Variants in RRP15 observed in about 807,000 individuals in gnomAD.
RRP15 encodes ribosomal RNA processing 15 homolog.
Under a neutral mutation model 27.1 loss-of-function variants are expected in RRP15, and 18 were observed. The ratio of observed to expected loss-of-function variants is 0.66; its 90% CI spans 0.46 to 0.98. The LOEUF (loss-of-function observed/expected upper bound fraction) is 0.98. Ranked by LOEUF, RRP15 falls within the 50% of genes least tolerant of loss-of-function variation. The probability of loss-of-function intolerance (pLI) is 0.00; values close to 1 mark genes in which losing one functional copy is unlikely to be tolerated. For synonymous variants in RRP15, 107 were observed against 109.4 expected, an observed-to-expected ratio of 0.98 and a Z score of 0.14; for missense variants, 359 against 337.8, an observed-to-expected ratio of 1.06 and a Z score of -0.49.
At chr1:218,291,785 C>T (rs1167092003) in intron 1 of RRP15, among the ~76,000 whole-genome samples, 1 of 152,104 alleles carries the variant, frequency 6.6e-6, no homozygotes, top group African/African-American at 2.4e-5. Flanking sequence ...CCACCTTGGT[C>T]TCCCAAAGTG....
At chr1:218,292,324 G>C (rs985990193) in intron 1 of RRP15, among the ~76,000 whole-genome samples, 2 of 152,154 alleles carry the variant, frequency 1.3e-5, no homozygotes, top group African/African-American at 4.8e-5. Context: ...TTTTCTCTGA[G>C]AGGCACATTG....
Position 218,337,475 on chromosome 1 carries a change from C to A in RRP15, c.*6384C>A, listed in dbSNP as rs889690833. The A allele has an allele frequency of 6.6e-6, 1 of 152,116 alleles. No individual in the cohort carries two copies. The highest frequency in any genetic ancestry group is 1.5e-5 in the Non-Finnish European group (1 of 68,008). 9.4% of individuals were successfully genotyped at this position (152,116 alleles called of 1,614,324 possible). A position where few individuals can be genotyped will look rare whatever the true frequency, so the allele number is the denominator to read the frequency against. ...ATATGAGGACATTTACATAAACTAT[C>A]GAACCACCAGTCTTCTGTCAATTCC... On this transcript the variant is annotated 3_prime_UTR_variant, in exon 5 of 5. Transcript: ENST00000366932.
chr1:218,291,630 C>T (rs931599840), intron 1 of RRP15, among the ~76,000 whole-genome samples: 4 of 143,108 alleles, frequency 2.8e-5, no homozygotes, highest in Middle Eastern at 3.5e-3. Flanking sequence ...CTCCCAGGTT[C>T]AAGCAATTCT....
intron 4 of RRP15, among the ~76,000 whole-genome samples, chr1:218,315,034 T>C (rs1174721973): frequency 6.6e-6 from 1 of 151,308 alleles, no homozygotes; most frequent in Non-Finnish European, 1.5e-5. Flanking sequence ...TCCTTAGTGA[T>C]TGCTAGACAA....
At chr1:218,329,435 A>G (rs994578406) in intron 4 of RRP15, among the ~76,000 whole-genome samples, 1 of 151,896 alleles carries the variant, frequency 6.6e-6, no homozygotes, top group Non-Finnish European at 1.5e-5. Context: ...CCTTTTATCC[A>G]GCTAGCTAAC....
At chr1:218,299,135 A>G (rs1170454155) in intron 1 of RRP15, among the ~76,000 whole-genome samples, 5 of 152,226 alleles carry the variant, frequency 3.3e-5, no homozygotes, top group African/African-American at 1.2e-4. Flanking sequence ...TTGATATCCT[A>G]GAAGTAAATC....
chr1:218,286,259 C>T (rs1271820504), intron 1 of RRP15, among the ~76,000 whole-genome samples: 1 of 152,212 alleles, frequency 6.6e-6, no homozygotes, highest in Non-Finnish European at 1.5e-5. Flanking sequence ...AATCCTTAGG[C>T]TGTATGATTT....
chr1:218,313,369 T>C (rs1474563597), intron 4 of RRP15, among the ~76,000 whole-genome samples: 1 of 152,142 alleles, frequency 6.6e-6, no homozygotes, highest in African/African-American at 2.4e-5. Flanking sequence ...ATAGATTGAC[T>C]TGATTTGTGA....
chr1:218,298,192 G>A (rs973141285), intron 1 of RRP15, among the ~76,000 whole-genome samples: 1 of 152,012 alleles, frequency 6.6e-6, no homozygotes, highest in Non-Finnish European at 1.5e-5. Context: ...CAACTGGCTT[G>A]GGTTATGGAA....
chr1:218,289,414 A>G (rs1022186263), intron 1 of RRP15, among the ~76,000 whole-genome samples: 10 of 152,220 alleles, frequency 6.6e-5, no homozygotes, highest in African/African-American at 2.2e-4. Context: ...GTTTTATTCC[A>G]TAATCTAACC....
At chr1:218,328,932 A>T (rs1315557051) in intron 4 of RRP15, among the ~76,000 whole-genome samples, 1 of 152,144 alleles carries the variant, frequency 6.6e-6, no homozygotes, top group African/African-American at 2.4e-5. Context: ...GTTCATATGT[A>T]AACTCAAATA....
chr1:218,318,772 C>G (rs951100704), intron 4 of RRP15, among the ~76,000 whole-genome samples: 1 of 151,382 alleles, frequency 6.6e-6, no homozygotes, highest in Non-Finnish European at 1.5e-5. Context: ...GGTGCACCCT[C>G]CCCACCTCCC....
In RRP15 at chr1:218,337,391, A is replaced by T. The variant is rs1352936866; in HGVS notation, c.*6300A>T. The T allele has an allele frequency of 6.6e-6, 1 of 152,340 alleles. No individual in the cohort carries two copies. Among genetic ancestry groups the T allele is most frequent in the South Asian group, 2.1e-4 (1 of 4,830 alleles). 9.4% of individuals were successfully genotyped at this position (152,340 alleles called of 1,614,324 possible). ...TGATGACAGAAAATGCTGTGTGAACAGTATTATATAGAATTGTTTTTAATA... is the reference window on the plus strand; with the variant it reads ...TGATGACAGAAAATGCTGTGTGAACTGTATTATATAGAATTGTTTTTAATA... On this transcript the variant is annotated 3_prime_UTR_variant, in exon 5 of 5. Transcript: ENST00000366932.
intron 3 of RRP15, among the ~76,000 whole-genome samples, chr1:218,306,184 C>T (rs1655895774): frequency 6.6e-6 from 1 of 152,050 alleles, no homozygotes; most frequent in Non-Finnish European, 1.5e-5. Flanking sequence ...TCAAAGTTTC[C>T]TGGATGCTGA....
intron 4 of RRP15, among the ~76,000 whole-genome samples, chr1:218,322,637 T>A (rs1465412825): frequency 2.1e-4 from 32 of 152,154 alleles, no homozygotes; most frequent in Admixed American, 2.1e-3. Flanking sequence ...CACCCCATTC[T>A]GCCTACTCTT....
At chr1:218,304,332 T>G (rs1455377130) in intron 2 of RRP15, among the ~76,000 whole-genome samples, 1 of 152,232 alleles carries the variant, frequency 6.6e-6, no homozygotes, top group African/African-American at 2.4e-5. Context: ...GAACATGCAA[T>G]GTATCAAATC....
Position 218,302,355 on chromosome 1 carries a change from T to C in RRP15, c.201T>C (p.Ser67=), listed in dbSNP as rs1217503196. ...ATGATGACGCAATAGAAGCTGACAG[T>C]GAGGGTGATGCTGAGCCCTGTGACA... The part of the protein sequence containing the change: ...YSDDDAIEAD[S]EGDAEPCDKE... The change falls in exon 2 of 5, where the codon AGT becomes AGC. Residue 67 remains serine, a synonymous_variant. Coordinates refer to ENST00000366932, the MANE Select transcript of RRP15 (RefSeq NM_016052.4). 1 of 1,613,854 alleles carries C rather than the reference T, an allele frequency of 6.2e-7. No homozygotes were observed. The highest frequency in any genetic ancestry group is 8.5e-7 in the Non-Finnish European group (1 of 1,179,972).
chr1:218,321,951 T>G (rs1422574535), intron 4 of RRP15, among the ~76,000 whole-genome samples: 1 of 152,180 alleles, frequency 6.6e-6, no homozygotes, highest in Non-Finnish European at 1.5e-5. Context: ...ATATAGCAAA[T>G]TGAAATTATG....
intron 1 of RRP15, among the ~76,000 whole-genome samples, chr1:218,299,340 C>T (rs992261729): frequency 1.3e-5 from 2 of 151,848 alleles, no homozygotes; most frequent in African/African-American, 4.8e-5. Flanking sequence ...GGGGTGAGTG[C>T]AGGTTGTATA....
Sources: gnomAD v4.1 joint callset for allele counts (sites outside exome capture counted in the v4.1 genomes callset) on GRCh38, gnomAD v4.1.1 for gene constraint, MANE v1.5 for transcripts, NCBI Gene and HGNC (gene_info 2026-07-23, HGNC 2026-07-21) for gene names.